Variants in RTP2 observed in about 807,000 individuals in gnomAD.
RTP2 encodes the protein receptor transporter protein 2.
Under a neutral mutation model 17.9 loss-of-function variants are expected in RTP2, and 12 were observed. The observed-to-expected ratio is 0.67, with a 90% confidence interval of 0.43 to 1.09. The LOEUF (loss-of-function observed/expected upper bound fraction) is 1.09. Among genes scored for constraint, RTP2 ranks in the 50% least tolerant of loss-of-function variants. RTP2 has a pLI of 0.00. For synonymous variants in RTP2, 126 were observed against 117.7 expected, an observed-to-expected ratio of 1.07 and a Z score of -0.46; for missense variants, 327 against 295.7, an observed-to-expected ratio of 1.11 and a Z score of -0.78.
chr3:187,698,293 C>T (rs1717737689), exon 2 of RTP2: 5 of 567,008 alleles, frequency 8.8e-6, no homozygotes, highest in Non-Finnish European at 1.5e-5. Flanking sequence ...CCCTTTTCCC[C>T]TTCCCCCAAT....
At chr3:187,708,733 A>G in the RTP2 span, among the ~76,000 whole-genome samples, 138 of 152,354 alleles carry the variant, frequency 9.1e-4, no homozygotes, top group Non-Finnish European at 1.7e-3. Flanking sequence ...GAGTTTTTCT[A>G]AGTACTTTAC....
chr3:187,713,223 T>A, the RTP2 span, among the ~76,000 whole-genome samples: 1 of 152,304 alleles, frequency 6.6e-6, no homozygotes, highest in East Asian at 1.9e-4. Context: ...CGCCATGGCA[T>A]GTCCCAGTGG....
rs755138180 is a variant in RTP2 at position 187,698,755 on chromosome 3, C to T, written c.421G>A (p.Val141Met). 8 of 1,613,854 alleles carry T rather than the reference C, an allele frequency of 5.0e-6. No individual in the cohort carries two copies. The Admixed American group carries it at 6.7e-5, about 13-fold the overall frequency. ...GGCCCGCTGTCCGGGCGGCTGGCCACGTGGATGCGGTACTGGCCACCATCC... is the reference window on the plus strand; with the variant it reads ...GGCCCGCTGTCCGGGCGGCTGGCCATGTGGATGCGGTACTGGCCACCATCC... Residue 141 changes from valine (V) to methionine (M), a missense_variant, in exon 2 of 2, where the codon GTG becomes ATG. Coordinates refer to ENST00000358241, the Ensembl canonical transcript of RTP2.
At chr3:187,702,469 G>A in exon 1 of RTP2, 1 of 482,564 alleles carries the variant, frequency 2.1e-6, no homozygotes, top group South Asian at 1.5e-5. Flanking sequence ...AGGTCTCCAG[G>A]AGGCAAGGAC....
At chr3:187,698,893 G>A (rs1336242928) in exon 2 of RTP2, 1 of 1,611,812 alleles carries the variant, frequency 6.2e-7, no homozygotes, top group East Asian at 2.2e-5. Context: ...TCATAGCACA[G>A]CTGCTTGAAG....
chr3:187,698,764 G>A (rs769892625), exon 2 of RTP2: 16 of 1,613,840 alleles, frequency 9.9e-6, no homozygotes, highest in Admixed American at 1.7e-5. Context: ...ACGTGGATGC[G>A]GTACTGGCCA....
the RTP2 span, among the ~76,000 whole-genome samples, chr3:187,714,116 G>C: frequency 6.6e-6 from 1 of 152,148 alleles, no homozygotes; most frequent in Non-Finnish European, 1.5e-5. Flanking sequence ...GGGATATCTT[G>C]CTTCCTTAAC....
chr3:187,712,241 A>C, the RTP2 span, among the ~76,000 whole-genome samples: 1 of 152,156 alleles, frequency 6.6e-6, no homozygotes, highest in Admixed American at 6.5e-5. Context: ...GTTAGGTAAG[A>C]CCTTACCATT....
At chr3:187,708,969 C>CTTTTT in the RTP2 span, among the ~76,000 whole-genome samples, 1 of 142,334 alleles carries the variant, frequency 7.0e-6, no homozygotes. Context: ...TTTTTTTTTC[C>CTTTTT]TTTTTTTTTT....
chr3:187,712,972 C>T, the RTP2 span, among the ~76,000 whole-genome samples: 5 of 152,172 alleles, frequency 3.3e-5, no homozygotes, highest in South Asian at 2.1e-4. Flanking sequence ...TCAATCAAGG[C>T]GAAAGCTGTT....
chr3:187,701,554 A>G (rs527524348), intron 1 of RTP2, among the ~76,000 whole-genome samples: 2 of 152,182 alleles, frequency 1.3e-5, no homozygotes, highest in Non-Finnish European at 2.9e-5. Flanking sequence ...ATCAAATTGG[A>G]TTAATTCACT....
chr3:187,700,424 GAGGCC>G (rs1717815982), intron 1 of RTP2, among the ~76,000 whole-genome samples: 1 of 152,216 alleles, frequency 6.6e-6, no homozygotes, highest in Non-Finnish European at 1.5e-5. Flanking sequence ...AGCTCTTCCT[GAGGCC>G]AGCTGGGAGC....
chr3:187,699,118 G>C lies in RTP2; in HGVS notation c.165-107C>G. ...GCCTGTGTGCCCGTGCTTGGAGATG[G>C]AGGCAGTGTTTACTGCCCTGTGGAT... On this transcript the variant is annotated intron_variant, in intron 1 of 1. Coordinates refer to ENST00000358241, the Ensembl canonical transcript of RTP2. 2.2e-6 allele frequency: 3 copies of C among 1,339,262 alleles called. No individual in the cohort carries two copies. The South Asian group carries it at 4.6e-5, about 21-fold the overall frequency. The allele number at this position is 1,339,262 out of a possible 1,614,324, so 83.0% of individuals were successfully genotyped here.
At position 187,700,884 on chromosome 3, in the gene RTP2, TTCTG is replaced by T. The variant is rs200346222; in HGVS notation, c.164+1077_164+1080del. ...GACATGAATCAGCCAACCTCTGGTT[TTCTG>T]TCTTTTTTTCACAAGGCAGGTTTAC... On this transcript the variant is annotated intron_variant, in intron 1 of 1. Coordinates refer to ENST00000358241, the Ensembl canonical transcript of RTP2. 8.0e-3 allele frequency among the ~76,000 whole-genome samples: 1,212 copies of T among 152,276 alleles called. 13 individuals are homozygous for T. The highest frequency in any genetic ancestry group is 0.028 in the African/African-American group (1,152 of 41,546).
At chr3:187,699,285 C>T (rs184733209) in intron 1 of RTP2, among the ~76,000 whole-genome samples, 21 of 152,258 alleles carry the variant, frequency 1.4e-4, no homozygotes, top group Non-Finnish European at 1.9e-4. Context: ...GTCTCAGCTG[C>T]CCCCCAGCCC....
At chr3:187,700,493 A>C (rs1178092742) in intron 1 of RTP2, among the ~76,000 whole-genome samples, 1 of 152,256 alleles carries the variant, frequency 6.6e-6, no homozygotes, top group Non-Finnish European at 1.5e-5. Context: ...AAGAGGAGAC[A>C]TGAGCTTGCT....
exon 1 of RTP2, chr3:187,702,328 G>A: frequency 3.3e-6 from 2 of 597,888 alleles, no homozygotes; most frequent in Non-Finnish European, 5.9e-6. Context: ...AGTGAGGGCT[G>A]GGGAGAAGGG....
the RTP2 span, among the ~76,000 whole-genome samples, chr3:187,707,618 A>G: frequency 6.6e-6 from 1 of 152,210 alleles, no homozygotes; most frequent in Non-Finnish European, 1.5e-5. Flanking sequence ...TGAGGCCTGA[A>G]AGATACATGG....
upstream of RTP2, among the ~76,000 whole-genome samples, chr3:187,704,011 C>T (rs545684471): frequency 5.3e-5 from 8 of 152,214 alleles, no homozygotes; most frequent in South Asian, 2.1e-4. Context: ...TTCAATTTTC[C>T]GCGAATGACA....
Sources: gnomAD v4.1 joint callset for allele counts (sites outside exome capture counted in the v4.1 genomes callset) on GRCh38, gnomAD v4.1.1 for gene constraint, MANE v1.5 for transcripts, NCBI Gene and HGNC (gene_info 2026-07-23, HGNC 2026-07-21) for gene names.